Variants in TUBGCP2 observed in about 807,000 individuals in gnomAD.
The protein encoded by TUBGCP2 is tubulin gamma complex component 2, also known as gamma-tubulin complex component 2.
In TUBGCP2, 55 loss-of-function variants were observed where a neutral mutation model predicts 92.2. The ratio of observed to expected loss-of-function variants is 0.60; its 90% CI spans 0.48 to 0.75. TUBGCP2 has a LOEUF of 0.75. Ranked by LOEUF, TUBGCP2 falls within the 30% of genes least tolerant of loss-of-function variation. The pLI is 0.00. For synonymous variants in TUBGCP2, 533 were observed against 505.2 expected (o/e 1.06, Z -0.74); for missense variants, 1,093 against 1,188.9 (o/e 0.92, Z 1.19).
intron 1 of TUBGCP2, 84 bp downstream of exon 1, chr10:133,308,739 C>A: frequency 3.1e-6 from 1 of 327,734 alleles, no homozygotes; most frequent in Non-Finnish European, 5.5e-6. Context: ...GTCCCGCCAG[C>A]CCCGTCGCCT....
rs372711619 is a variant in TUBGCP2, at chr10:133,291,750, C to T, written c.1214+749G>A. On this transcript the variant is annotated intron_variant, in intron 8 of 17. Transcript: ENST00000252936. The stretch of plus-strand genomic sequence containing the variant: ...GTCCCTCCGTGTCCCCGTGTCCCTC[C>T]GTGTCCCCGTGTCCCGGGGAGCCCT... Among the ~76,000 whole-genome samples the T allele has an allele frequency of 3.7e-3, 44 of 12,028 alleles. 6 individuals carry two copies. The highest frequency in any genetic ancestry group is 4.9e-3 in the Non-Finnish European group (31 of 6,354). 7.9% of individuals were successfully genotyped at this position (12,028 alleles called of 152,430 possible).
upstream of TUBGCP2, chr10:133,311,711 C>T (rs371065979): frequency 1.4e-5 from 23 of 1,610,764 alleles, 1 homozygote; most frequent in Middle Eastern, 1.7e-4. Flanking sequence ...GCTCTCTCCC[C>T]GCAGCCCAGC....
chr10:133,294,356 G>A (rs1046016202), intron 5 of TUBGCP2, among the ~76,000 whole-genome samples: 45 of 152,198 alleles, frequency 3.0e-4, no homozygotes, highest in Non-Finnish European at 6.0e-4. Context: ...AGCACCAGAC[G>A]AAAGCAGGAT....
intron 16 of TUBGCP2, among the ~76,000 whole-genome samples, chr10:133,281,976 A>G (rs1378613838): frequency 6.6e-6 from 1 of 152,266 alleles, no homozygotes; most frequent in Non-Finnish European, 1.5e-5. Flanking sequence ...CGCCCTGCAC[A>G]GCGCTCGCTC....
intron 13 of TUBGCP2, among the ~76,000 whole-genome samples, chr10:133,284,333 C>T (rs1179893519): frequency 1.3e-5 from 2 of 152,152 alleles, no homozygotes; most frequent in African/African-American, 2.4e-5. Context: ...CATATTTGTG[C>T]TTCATCATCA....
chr10:133,283,921 C>T lies in TUBGCP2; in HGVS notation c.2106G>A (p.Met702Ile), dbSNP rs1293396424. 1.4e-5 allele frequency: 23 copies of T among 1,614,066 alleles called. No individual in the cohort carries two copies. In the Admixed American group the frequency reaches 3.0e-4, roughly 21 times the overall value. Residue 702 changes from methionine (M) to isoleucine (I), a missense_variant, in exon 14 of 18, where the codon ATG becomes ATA. This residue lies in a region of TUBGCP2 where 598 missense variants were observed against 675.5 expected (regional missense o/e 0.89). Transcript: ENST00000252936. Reference sequence around the variant, plus strand: ...TCTCCAGGATGTGCCAGGTCGGTTCCATCACTTCAAACATCATGTAGTATT... The same window carrying T: ...TCTCCAGGATGTGCCAGGTCGGTTCTATCACTTCAAACATCATGTAGTATT... ...NIQYYMMFEVMEPTWHILEKN... is the reference protein window; with the variant it reads ...NIQYYMMFEVIEPTWHILEKN...
Position 133,288,144 on chromosome 10 carries a change from G to A in TUBGCP2, c.1707C>T (p.Phe569=). 2 of 1,612,938 alleles carry A rather than the reference G, an allele frequency of 1.2e-6. No homozygotes were observed. The highest frequency in any genetic ancestry group is 1.7e-6 in the Non-Finnish European group (2 of 1,179,344). ...LRMSTANTDP[F]KDDLKIDLMP... ...CCCCACCCACCTTGAGGTCGTCCTT[G>A]AAGGGGTCAGTGTTGGCCGTGCTCA... Residue 569 remains phenylalanine (F), a synonymous_variant, in exon 11 of 18, where the codon TTC becomes TTT. Transcript: ENST00000252936.
rs1277533022 is a variant in TUBGCP2, at chr10:133,282,454, G to A, written c.2290-112C>T. On this transcript the variant is annotated intron_variant, in intron 15 of 17. Transcript: ENST00000252936. ...CCTCCGCACCTCTGTTGTAGCCTGC[G>A]GCTGGGGGTACACAAGCATCTCTGA... The A allele has an allele frequency of 2.4e-5, 33 of 1,394,512 alleles. No homozygotes were observed. The South Asian group carries it at 3.7e-4, about 16-fold the overall frequency. 86.4% of individuals were successfully genotyped at this position (1,394,512 alleles called of 1,614,324 possible). A position where few individuals can be genotyped will look rare whatever the true frequency, so the allele number is the denominator to read the frequency against.
In TUBGCP2 at chr10:133,286,457, G is replaced by A. The variant is rs1462700872; in HGVS notation, c.1723-829C>T. Among the ~76,000 whole-genome samples, 6 of 152,344 alleles carry A rather than the reference G, an allele frequency of 3.9e-5. No individual in the cohort carries two copies. The East Asian group carries it at 1.2e-3, about 29-fold the overall frequency. ...AAAAGCAGTTCTTCAGTGACAGGGA[G>A]ACTCGGTGCCCTACTTCTAACCACG... On this transcript the variant is annotated intron_variant, in intron 11 of 17. Coordinates refer to ENST00000252936, the MANE Select transcript of TUBGCP2 (RefSeq NM_006659.4).
intron 5 of TUBGCP2, among the ~76,000 whole-genome samples, chr10:133,296,546 C>A (rs1387298628): frequency 1.3e-5 from 2 of 151,918 alleles, no homozygotes; most frequent in Non-Finnish European, 2.9e-5. Context: ...GGCACGATCA[C>A]AGCTCACTGC....
chr10:133,294,222 A>G (rs1318825839), intron 5 of TUBGCP2, among the ~76,000 whole-genome samples: 11 of 152,270 alleles, frequency 7.2e-5, no homozygotes, highest in Non-Finnish European at 5.9e-5. Context: ...AGACGGCTGC[A>G]GGACACACAG....
Position 133,279,251 on chromosome 10 carries a change from A to T in TUBGCP2, c.*515T>A, listed in dbSNP as rs1380824664. 6.5e-6 allele frequency: 1 copy of T among 154,508 alleles called. No individual in the cohort carries two copies. The allele number at this position is 154,508 out of a possible 1,614,324, so 9.6% of individuals were successfully genotyped here. A position where few individuals can be genotyped will look rare whatever the true frequency, so the allele number is the denominator to read the frequency against. On this transcript the variant is annotated 3_prime_UTR_variant, in exon 18 of 18. Transcript: ENST00000252936. ...CTGGACCAGTTGGAGCAGCAGCAGG[A>T]GGAGGGTCGTGGAGGCGGGTGAGTC...
At position 133,300,036 on chromosome 10, in the gene TUBGCP2, C is replaced by G; in HGVS notation, c.228G>C (p.Arg76Ser). The G allele has an allele frequency of 6.2e-7, 1 of 1,614,068 alleles. No homozygotes were observed. Among genetic ancestry groups the G allele is most frequent in the Non-Finnish European group, 8.5e-7 (1 of 1,180,008 alleles). ...ACAGGTACACCAGCGGGTCAAGGTT[C>G]CTTGTATTTTTAGATTTCAGTTCAT... ...KYDELKSKNT[R>S]NLDPLVYLLS... The change falls in exon 3 of 18, where the codon AGG becomes AGC. Residue 76 changes from arginine to serine, a missense_variant. Arg to Ser is a moderately radical substitution (Grantham distance 110). Around this residue, in one of 3 missense-constraint regions of TUBGCP2, gnomAD observed 490 missense variants for 488.5 expected, o/e 1.00. Transcript: ENST00000252936.
upstream of TUBGCP2, chr10:133,309,042 C>T: frequency 7.8e-7 from 1 of 1,276,376 alleles, no homozygotes; most frequent in African/African-American, 1.5e-5. Context: ...GGGCCGCGCC[C>T]TTTCGCTTCG....
At chr10:133,284,098 G>C in intron 13 of TUBGCP2, 96 bp from the exon 14 acceptor site, 1 of 1,538,394 alleles carries the variant, frequency 6.5e-7, no homozygotes, top group Non-Finnish European at 8.8e-7. Flanking sequence ...CATGGAGGAC[G>C]TTCTCTGGAC....
chr10:133,310,457 C>G, upstream of TUBGCP2: 2 of 832,434 alleles, frequency 2.4e-6, no homozygotes, highest in Admixed American at 5.6e-5. Context: ...GGTGGTTGTG[C>G]CAGCGGCCAC....
intron 11 of TUBGCP2, among the ~76,000 whole-genome samples, chr10:133,286,176 C>T (rs543781300): frequency 2.6e-5 from 4 of 152,140 alleles, no homozygotes; most frequent in South Asian, 4.1e-4. Context: ...GAAATCGTGA[C>T]CATCACAAAC....
At chr10:133,292,887 G>A (rs925572391) in intron 7 of TUBGCP2, 152 bp downstream of exon 7, 20 of 1,098,368 alleles carry the variant, frequency 1.8e-5, no homozygotes, top group Admixed American at 1.6e-4. Context: ...CCTCTTGCAA[G>A]TTAATAGCAC....
intron 9 of TUBGCP2, among the ~76,000 whole-genome samples, chr10:133,289,470 T>G (rs1181192522): frequency 6.6e-6 from 1 of 152,170 alleles, no homozygotes; most frequent in Non-Finnish European, 1.5e-5. Context: ...TAGGAAACAC[T>G]GCCGGCCGCC....
Sources: allele counts gnomAD v4.1 joint callset (sites outside exome capture counted in the v4.1 genomes callset), GRCh38; gene constraint gnomAD v4.1.1; regional missense constraint gnomAD v4.1.1; transcripts MANE v1.5; gene names NCBI Gene and HGNC (gene_info 2026-07-23, HGNC 2026-07-21).